Variants in CORO2A observed in about 807,000 individuals in gnomAD.
CORO2A encodes the protein coronin-2A.
In CORO2A, 47 loss-of-function variants were observed where a neutral mutation model predicts 62.4. The observed-to-expected ratio is 0.75, with a 90% CI of 0.60 to 0.96. The LOEUF (loss-of-function observed/expected upper bound fraction) is 0.96. Among genes scored for constraint, CORO2A ranks in the 40% least tolerant of loss-of-function variants. The pLI, the probability that CORO2A is intolerant of heterozygous loss-of-function variation, is 0.00. For synonymous variants in CORO2A, 273 were observed against 268.9 expected (o/e 1.02, Z -0.15); for missense variants, 610 against 684.1 (o/e 0.89, Z 1.21).
chr9:98,147,692 A>G (rs1432548066), intron 2 of CORO2A, among the ~76,000 whole-genome samples: 2 of 152,238 alleles, frequency 1.3e-5, no homozygotes, highest in Admixed American at 1.3e-4. Context: ...TTTTACTTAC[A>G]CTAAAAATTT....
At position 98,123,624 on chromosome 9, in the gene CORO2A, A is replaced by T. The variant is rs1334629176; in HGVS notation, c.*1150T>A. ...ATTCTCCTATCTCAGCCTCCCGAAT[A>T]GCAGGGACTACAGACGCTCACCACC... is the stretch of plus-strand genomic sequence containing the variant. On this transcript the variant is annotated 3_prime_UTR_variant, in exon 12 of 12. Coordinates refer to ENST00000375077, the MANE Select transcript of CORO2A (RefSeq NM_052820.4). 2 of 151,272 alleles carry T rather than the reference A, an allele frequency of 1.3e-5. No homozygotes were observed. Among genetic ancestry groups the T allele is most frequent in the Non-Finnish European group, 2.9e-5 (2 of 67,982 alleles). The allele number at this position is 151,272 out of a possible 1,614,324, so 9.4% of individuals were successfully genotyped here.
intron 10 of CORO2A, among the ~76,000 whole-genome samples, chr9:98,127,791 C>T (rs941863747): frequency 1.8e-4 from 24 of 136,786 alleles, no homozygotes; most frequent in Admixed American, 1.7e-3. Flanking sequence ...GCACTCCAGC[C>T]TGGGCAACAA....
intron 1 of CORO2A, among the ~76,000 whole-genome samples, chr9:98,167,231 A>G (rs529166372): frequency 2.0e-5 from 3 of 152,322 alleles, no homozygotes; most frequent in African/African-American, 7.2e-5. Context: ...GCATGATTCC[A>G]CTTATATGAG....
intron 7 of CORO2A, 90 bp from the exon 8 acceptor site, chr9:98,129,980 C>T: frequency 1.0e-6 from 1 of 975,248 alleles, no homozygotes; most frequent in Admixed American, 1.9e-5. Context: ...AAAGACCTGG[C>T]TTTTTTTGAT....
intron 3 of CORO2A, among the ~76,000 whole-genome samples, chr9:98,136,750 G>A (rs1587994631): frequency 1.3e-5 from 2 of 152,232 alleles, no homozygotes; most frequent in South Asian, 4.1e-4. Flanking sequence ...TTGCTGGGGA[G>A]ACTGTGAAAT....
chr9:98,140,354 G>A (rs1011079529), intron 2 of CORO2A, among the ~76,000 whole-genome samples: 11 of 152,054 alleles, frequency 7.2e-5, no homozygotes, highest in African/African-American at 2.7e-4. Context: ...TTTTTCTAGA[G>A]GGACTTTCAA....
At chr9:98,177,272 G>T (rs1217054034) in intron 1 of CORO2A, among the ~76,000 whole-genome samples, 1 of 152,136 alleles carries the variant, frequency 6.6e-6, no homozygotes, top group Non-Finnish European at 1.5e-5. Flanking sequence ...GTCCCCAGCT[G>T]GAGATAGCCC....
chr9:98,168,390 A>C (rs1328028259), intron 1 of CORO2A, among the ~76,000 whole-genome samples: 1 of 152,224 alleles, frequency 6.6e-6, no homozygotes, highest in Non-Finnish European at 1.5e-5. Flanking sequence ...GCTAACGCCT[A>C]TATTACTGAC....
intron 1 of CORO2A, among the ~76,000 whole-genome samples, chr9:98,188,287 CCCT>C (rs1185282920): frequency 6.6e-6 from 1 of 152,208 alleles, no homozygotes; most frequent in Non-Finnish European, 1.5e-5. Flanking sequence ...ACACCCTAAC[CCCT>C]CCTATGTTCT....
At chr9:98,188,817 GAAAC>G (rs1391720952) in intron 1 of CORO2A, among the ~76,000 whole-genome samples, 10 of 151,996 alleles carry the variant, frequency 6.6e-5, no homozygotes, top group African/African-American at 1.7e-4. Context: ...CAAAACAAAA[GAAAC>G]AAACAAAAAA....
chr9:98,128,412 C>T, intron 9 of CORO2A, 152 bp from the exon 10 acceptor site: 1 of 790,336 alleles, frequency 1.3e-6, no homozygotes, highest in Non-Finnish European at 2.1e-6. Context: ...CGAGGTCACG[C>T]AGCAGCTCAA....
At chr9:98,155,340 C>T (rs1425215425) in intron 2 of CORO2A, among the ~76,000 whole-genome samples, 4 of 132,186 alleles carry the variant, frequency 3.0e-5, no homozygotes, top group African/African-American at 1.1e-4. Flanking sequence ...TTTTATTGCT[C>T]AATTTTTTTT....
chr9:98,188,441 C>T (rs1387714242), intron 1 of CORO2A, among the ~76,000 whole-genome samples: 2 of 152,246 alleles, frequency 1.3e-5, no homozygotes, highest in African/African-American at 2.4e-5. Flanking sequence ...TTAATATCAG[C>T]GCCTTCCCCC....
chr9:98,167,356 A>AAGAT (rs1827975519), intron 1 of CORO2A, among the ~76,000 whole-genome samples: 1 of 152,206 alleles, frequency 6.6e-6, no homozygotes, highest in African/African-American at 2.4e-5. Flanking sequence ...TCAGTTTTGC[A>AAGAT]AGATAAAGAG....
chr9:98,176,979 G>A (rs2118923400), intron 1 of CORO2A, among the ~76,000 whole-genome samples: 1 of 152,298 alleles, frequency 6.6e-6, no homozygotes, highest in African/African-American at 2.4e-5. Flanking sequence ...CCTTATCTGT[G>A]TTGCTCTAAG....
intron 1 of CORO2A, among the ~76,000 whole-genome samples, chr9:98,166,355 A>C (rs985107551): frequency 2.0e-5 from 3 of 152,250 alleles, no homozygotes; most frequent in African/African-American, 7.2e-5. Context: ...AAGAAAAAAA[A>C]TAGACAAATT....
chr9:98,174,897 C>T (rs1447726707), intron 1 of CORO2A, among the ~76,000 whole-genome samples: 3 of 152,046 alleles, frequency 2.0e-5, no homozygotes, highest in South Asian at 2.1e-4. Flanking sequence ...TGGGAATGTA[C>T]GTCATGCCAC....
At chr9:98,184,082 C>CTA (rs1410143774) in intron 1 of CORO2A, among the ~76,000 whole-genome samples, 1 of 152,124 alleles carries the variant, frequency 6.6e-6, no homozygotes, top group Admixed American at 6.5e-5. Flanking sequence ...CATGTAAACA[C>CTA]TATACTATTT....
chr9:98,173,924 C>T (rs1828073302), intron 1 of CORO2A, among the ~76,000 whole-genome samples: 1 of 152,078 alleles, frequency 6.6e-6, no homozygotes, highest in South Asian at 2.1e-4. Flanking sequence ...CGAGACTAGC[C>T]TGACCAACAT....
Sources: gnomAD v4.1 joint callset for allele counts (sites outside exome capture counted in the v4.1 genomes callset) on GRCh38, gnomAD v4.1.1 for gene constraint, MANE v1.5 for transcripts, NCBI Gene and HGNC (gene_info 2026-07-23, HGNC 2026-07-21) for gene names.